The following TXK variants were observed in gnomAD, a reference collection of about 807,000 sequenced individuals.
TXK encodes tyrosine-protein kinase TXK.
In TXK, 60 loss-of-function variants were observed where a neutral mutation model predicts 81.0. That is an observed-to-expected ratio of 0.74 (90% confidence interval 0.60 to 0.92). TXK has a LOEUF of 0.92. Among genes scored for constraint, TXK ranks in the 40% least tolerant of loss-of-function variants. TXK has a pLI of 0.00. For synonymous variants in TXK, 203 were observed against 210.7 expected, an observed-to-expected ratio of 0.96 and a Z score of 0.32; for missense variants, 581 against 638.3, an observed-to-expected ratio of 0.91 and a Z score of 0.97.
At chr4:48,070,558 TTTTA>T in intron 14 of TXK, among the ~76,000 whole-genome samples, 1 of 152,202 alleles carries the variant, frequency 6.6e-6, no homozygotes, top group African/African-American at 2.4e-5. Context: ...CCATTAATTC[TTTTA>T]TTTATTTGCT....
At chr4:48,109,498 G>T (rs1718565262) in intron 5 of TXK, 1 of 152,170 alleles carries the variant, frequency 6.6e-6, no homozygotes, top group Non-Finnish European at 1.5e-5. Context: ...AGGGCTAAAT[G>T]GCTCCAATAG....
intron 10 of TXK, among the ~76,000 whole-genome samples, chr4:48,080,674 A>T (rs778773882): frequency 7.2e-4 from 109 of 151,322 alleles, no homozygotes; most frequent in Non-Finnish European, 1.4e-3. Flanking sequence ...ACACACACAC[A>T]CACACACACA....
In TXK at chr4:48,067,798, T is replaced by TATCC. The variant is rs1306744155; in HGVS notation, c.1516-97_1516-94dup. ...ACGCTAAGCATGTGGGAGTCACTTA[T>TATCC]ATCCCACTGCTCGAGGTCATCGCCA... On this transcript the variant is annotated intron_variant, in intron 14 of 14. Transcript: ENST00000264316. 21 of 1,206,776 alleles carry TATCC rather than the reference T, an allele frequency of 1.7e-5. 1 individual carries two copies. In the South Asian group the frequency reaches 2.3e-4, roughly 13 times the overall value. 74.8% of individuals were successfully genotyped at this position (1,206,776 alleles called of 1,614,324 possible).
At chr4:48,068,572 T>C (rs1417624302) in intron 14 of TXK, among the ~76,000 whole-genome samples, 1 of 152,240 alleles carries the variant, frequency 6.6e-6, no homozygotes, top group Admixed American at 6.5e-5. Flanking sequence ...GCACAGTTTT[T>C]GAGTCAGCAA....
chr4:48,076,378 C>A, intron 12 of TXK, 24 bp downstream of exon 12: 1 of 1,501,232 alleles, frequency 6.7e-7, no homozygotes, highest in Non-Finnish European at 9.1e-7. Context: ...AAACAAAATA[C>A]ATATATATAT....
intron 1 of TXK, among the ~76,000 whole-genome samples, chr4:48,126,266 C>A (rs765012762): frequency 1.1e-4 from 16 of 152,218 alleles, no homozygotes; most frequent in East Asian, 1.9e-4. Flanking sequence ...TCATGAGCCA[C>A]TTTCACTCCA....
intron 1 of TXK, among the ~76,000 whole-genome samples, chr4:48,131,197 C>T (rs1275235122): frequency 1.3e-5 from 2 of 152,136 alleles, no homozygotes; most frequent in Non-Finnish European, 2.9e-5. Context: ...TCAGTATGAT[C>T]AATATCCCAC....
chr4:48,103,213 G>A (rs1718272547), intron 6 of TXK, among the ~76,000 whole-genome samples: 2 of 152,178 alleles, frequency 1.3e-5, no homozygotes, highest in African/African-American at 4.8e-5. Context: ...ACAGCCCAGT[G>A]ATTTGGGCCA....
At chr4:48,119,794 G>A (rs1166518474) in intron 1 of TXK, among the ~76,000 whole-genome samples, 2 of 152,224 alleles carry the variant, frequency 1.3e-5, no homozygotes, top group East Asian at 3.9e-4. Flanking sequence ...TAGCACTTAA[G>A]GACTCTGTTG....
intron 5 of TXK, among the ~76,000 whole-genome samples, chr4:48,108,393 A>T (rs1718530133): frequency 2.0e-5 from 3 of 152,230 alleles, no homozygotes; most frequent in Admixed American, 2.0e-4. Context: ...GATAGAATAG[A>T]TACTATTTTC....
intron 14 of TXK, among the ~76,000 whole-genome samples, chr4:48,068,190 T>C (rs1265650504): frequency 6.6e-6 from 1 of 152,172 alleles, no homozygotes; most frequent in Non-Finnish European, 1.5e-5. Flanking sequence ...GTGGCTGCCA[T>C]ATTGGGCAGC....
chr4:48,129,194 C>CT (rs1719176182), intron 1 of TXK, among the ~76,000 whole-genome samples: 2 of 152,150 alleles, frequency 1.3e-5, no homozygotes, highest in Non-Finnish European at 2.9e-5. Flanking sequence ...TGAAGTGATC[C>CT]TGTGTCTGTG....
At chr4:48,093,556 GGGAGAT>G (rs1200045832) in intron 8 of TXK, among the ~76,000 whole-genome samples, 5 of 152,302 alleles carry the variant, frequency 3.3e-5, no homozygotes, top group Middle Eastern at 3.4e-3. Flanking sequence ...ACAATGTCTG[GGGAGAT>G]GGGTTAAATA....
At chr4:48,088,656 A>G (rs1450866492) in intron 9 of TXK, among the ~76,000 whole-genome samples, 2 of 152,198 alleles carry the variant, frequency 1.3e-5, no homozygotes, top group Non-Finnish European at 2.9e-5. Context: ...ACACTATTCT[A>G]TTTGTTTTTA....
intron 5 of TXK, among the ~76,000 whole-genome samples, chr4:48,109,684 A>G (rs1718575068): frequency 6.6e-6 from 1 of 152,190 alleles, no homozygotes; most frequent in African/African-American, 2.4e-5. Flanking sequence ...TACATTATCC[A>G]CCAAAGCTTT....
At chr4:48,086,210 A>G (rs1717522143) in intron 10 of TXK, among the ~76,000 whole-genome samples, 1 of 152,152 alleles carries the variant, frequency 6.6e-6, no homozygotes, top group South Asian at 2.1e-4. Context: ...CACTTACATA[A>G]ATTCTCTTAT....
At chr4:48,093,037 CT>C (rs1717837635) in intron 8 of TXK, among the ~76,000 whole-genome samples, 2 of 152,196 alleles carry the variant, frequency 1.3e-5, no homozygotes, top group Non-Finnish European at 2.9e-5. Flanking sequence ...CAAAACCACT[CT>C]TTCTTTTTTC....
chr4:48,125,660 G>A (rs1577682489), intron 1 of TXK, among the ~76,000 whole-genome samples: 1 of 152,328 alleles, frequency 6.6e-6, no homozygotes, highest in East Asian at 1.9e-4. Context: ...CTTCAGCAAT[G>A]TCATGCTTAC....
Position 48,134,147 on chromosome 4 carries a change from T to C in TXK, c.16+8A>G. 6.2e-7 allele frequency: 1 copy of C among 1,613,294 alleles called. No individual in the cohort carries two copies. ...CCAAAAATAAATGACAAAGCCCATC[T>C]TACTCACAGGAGGAAAGGATCATGG... On this transcript the variant is annotated splice_region_variant and intron_variant, in intron 1 of 14. Transcript: ENST00000264316.
Sources: allele counts gnomAD v4.1 joint callset (sites outside exome capture counted in the v4.1 genomes callset), GRCh38; gene constraint gnomAD v4.1.1; transcripts MANE v1.5; gene names NCBI Gene and HGNC (gene_info 2026-07-23, HGNC 2026-07-21).